Variants in RTN1 observed in about 807,000 individuals in gnomAD.
RTN1 encodes the protein reticulon-1.
RTN1 carries 25 observed loss-of-function variants against 65.5 expected under a neutral mutation model. The ratio of observed to expected loss-of-function variants is 0.38; its 90% CI spans 0.28 to 0.53. RTN1 has a LOEUF of 0.53. Ranked by LOEUF, RTN1 falls within the 20% of genes least tolerant of loss-of-function variation. The probability of loss-of-function intolerance (pLI) is 0.79; values close to 1 mark genes in which losing one functional copy is unlikely to be tolerated. For synonymous variants in RTN1, 471 were observed against 447.6 expected (o/e 1.05, Z -0.66); for missense variants, 983 against 1,025.4 (o/e 0.96, Z 0.57).
chr14:59,638,259 A>G (rs2140190010), intron 3 of RTN1, among the ~76,000 whole-genome samples: 1 of 152,342 alleles, frequency 6.6e-6, no homozygotes, highest in East Asian at 1.9e-4. Context: ...ATTTCCTTGC[A>G]CATTTCTATT....
intron 1 of RTN1, among the ~76,000 whole-genome samples, chr14:59,811,035 T>A (rs889005429): frequency 6.6e-6 from 1 of 152,212 alleles, no homozygotes. Context: ...GTAAGTCTTA[T>A]TGAAAATAAT....
At position 59,852,312 on chromosome 14, in the gene RTN1, T is replaced by C. The variant is rs78890725; in HGVS notation, c.241+18078A>G. On this transcript the variant is annotated intron_variant, in intron 1 of 8. Transcript: ENST00000267484. The stretch of plus-strand genomic sequence containing the variant: ...TATAAATAAAAGTAGAGCAGACTTT[T>C]TAAAATATCATATGCACACTTTACA... Among the ~76,000 whole-genome samples the C allele has an allele frequency of 1.8e-3, 272 of 152,302 alleles. 2 individuals carry two copies. In the East Asian group the frequency reaches 0.036, roughly 20 times the overall value.
At chr14:59,665,279 C>T (rs1883342632) in intron 3 of RTN1, among the ~76,000 whole-genome samples, 1 of 151,976 alleles carries the variant, frequency 6.6e-6, no homozygotes, top group Non-Finnish European at 1.5e-5. Context: ...ACAGTGGGGG[C>T]CAATATTCAA....
chr14:59,833,560 G>A (rs984951392), intron 1 of RTN1, among the ~76,000 whole-genome samples: 25 of 151,934 alleles, frequency 1.6e-4, no homozygotes, highest in Non-Finnish European at 1.2e-4. Context: ...TATTCAGGGG[G>A]TACATGTACA....
intron 3 of RTN1, among the ~76,000 whole-genome samples, chr14:59,688,319 G>A (rs538641992): frequency 2.6e-5 from 4 of 152,276 alleles, no homozygotes; most frequent in African/African-American, 7.2e-5. Flanking sequence ...CCACCATGCA[G>A]AGACCTTGAG....
At chr14:59,853,686 T>C (rs778876298) in intron 1 of RTN1, among the ~76,000 whole-genome samples, 1 of 152,130 alleles carries the variant, frequency 6.6e-6, no homozygotes, top group Admixed American at 6.5e-5. Context: ...ACAGTTATCA[T>C]GTCAGGGACA....
intron 1 of RTN1, among the ~76,000 whole-genome samples, chr14:59,749,035 C>A (rs111658956): frequency 6.7e-6 from 1 of 149,326 alleles, no homozygotes; most frequent in African/African-American, 2.5e-5. Context: ...GTGATCCTCC[C>A]ACCATGGCCT....
chr14:59,765,982 C>G lies in RTN1; in HGVS notation c.242-19501G>C, dbSNP rs9323356. On this transcript the variant is annotated intron_variant, in intron 1 of 8. Transcript: ENST00000267484. Reference sequence around the variant, plus strand: ...TGGTGGCTCACGCCTGTAATCCCAGCACTTTGGGAGGCCTAGGCGGGTGGA... The same window carrying G: ...TGGTGGCTCACGCCTGTAATCCCAGGACTTTGGGAGGCCTAGGCGGGTGGA... 8.6e-5 allele frequency among the ~76,000 whole-genome samples: 13 copies of G among 151,958 alleles called. 1 individual carries two copies. The highest frequency in any genetic ancestry group is 2.1e-4 in the South Asian group (1 of 4,826).
intron 1 of RTN1, among the ~76,000 whole-genome samples, chr14:59,749,111 T>TATATAG (rs1321836145): frequency 5.2e-5 from 3 of 57,200 alleles, no homozygotes; most frequent in Non-Finnish European, 8.8e-5. Context: ...TCTATATATA[T>TATATAG]ATATATATAT....
intron 3 of RTN1, among the ~76,000 whole-genome samples, chr14:59,725,879 C>T (rs8013790): frequency 0.067 from 10,208 of 152,142 alleles, 1,106 homozygotes; most frequent in African/African-American, 0.23. Flanking sequence ...GGAAAGAGGG[C>T]GCACCCTTGA....
chr14:59,612,064 A>T (rs1228757872), intron 3 of RTN1, among the ~76,000 whole-genome samples: 1 of 152,208 alleles, frequency 6.6e-6, no homozygotes, highest in Non-Finnish European at 1.5e-5. Context: ...TAAAGACAAC[A>T]GGGACCAAAG....
intron 3 of RTN1, among the ~76,000 whole-genome samples, chr14:59,649,597 A>G (rs1042478419): frequency 6.6e-6 from 1 of 152,260 alleles, no homozygotes; most frequent in African/African-American, 2.4e-5. Context: ...AAGGATATGA[A>G]CAGACACTTC....
In RTN1 at chr14:59,749,000, G is replaced by C. The variant is rs1449781562; in HGVS notation, c.242-2519C>G. ...AGACAGGGTTTTGTCATGTCGGCCA[G>C]ATGGTCTCGAACTCCTGACCTCAGG... On this transcript the variant is annotated intron_variant, in intron 1 of 8. Transcript: ENST00000267484. 2.0e-5 allele frequency among the ~76,000 whole-genome samples: 3 copies of C among 150,490 alleles called. No individual in the cohort carries two copies. In the East Asian group the frequency reaches 5.8e-4, roughly 29 times the overall value.
At chr14:59,807,184 G>A (rs1886654475) in intron 1 of RTN1, among the ~76,000 whole-genome samples, 1 of 152,184 alleles carries the variant, frequency 6.6e-6, no homozygotes, top group Non-Finnish European at 1.5e-5. Flanking sequence ...AAGCATGGTG[G>A]GTGGTGACAG....
intron 1 of RTN1, among the ~76,000 whole-genome samples, chr14:59,782,440 T>G (rs1886173534): frequency 1.3e-5 from 2 of 152,234 alleles, no homozygotes; most frequent in African/African-American, 4.8e-5. Flanking sequence ...GGGAGCAGAA[T>G]TAAAGTTGAA....
At chr14:59,857,731 C>G (rs1566750064) in intron 1 of RTN1, among the ~76,000 whole-genome samples, 1 of 152,220 alleles carries the variant, frequency 6.6e-6, no homozygotes, top group Non-Finnish European at 1.5e-5. Context: ...ATTCTACTGT[C>G]AGACTAATCT....
chr14:59,750,318 C>CTATAATATATAATATATAATATA (rs1885455964), intron 1 of RTN1, among the ~76,000 whole-genome samples: 2 of 31,094 alleles, frequency 6.4e-5, no homozygotes, highest in African/African-American at 1.5e-4. Flanking sequence ...TATATAATAT[C>CTATAATATATAATATATAATATA]TATAATATAT....
At chr14:59,819,425 ACC>A (rs1886891981) in intron 1 of RTN1, among the ~76,000 whole-genome samples, 2 of 14,828 alleles carry the variant, frequency 1.3e-4, no homozygotes, top group African/African-American at 1.3e-3. Flanking sequence ...CCCCCCCCCC[ACC>A]CCCCACCCCC....
chr14:59,705,810 T>C (rs577172438), intron 3 of RTN1, among the ~76,000 whole-genome samples: 1 of 152,352 alleles, frequency 6.6e-6, no homozygotes, highest in South Asian at 2.1e-4. Flanking sequence ...CTTACTCATA[T>C]TAGCTTCTGT....
Sources: gnomAD v4.1 joint callset for allele counts (sites outside exome capture counted in the v4.1 genomes callset) on GRCh38, gnomAD v4.1.1 for gene constraint, MANE v1.5 for transcripts, NCBI Gene and HGNC (gene_info 2026-07-23, HGNC 2026-07-21) for gene names.